The following AGAP1 variants were observed in gnomAD, a reference collection of about 807,000 sequenced individuals.
AGAP1 encodes the protein arf-GAP with GTPase, ANK repeat and PH domain-containing protein 1.
Under a neutral mutation model 105.3 loss-of-function variants are expected in AGAP1, and 29 were observed. The ratio of observed to expected loss-of-function variants is 0.28; its 90% CI spans 0.21 to 0.38. The LOEUF (loss-of-function observed/expected upper bound fraction) is 0.38, where lower values mean the gene tolerates loss of function less well. AGAP1 is among the 10% of genes least tolerant of loss of function. AGAP1 has a pLI of 1.00. For synonymous variants in AGAP1, 509 were observed against 485.9 expected (o/e 1.05, Z -0.63); for missense variants, 998 against 1,165.1 (o/e 0.86, Z 2.09).
Position 235,973,298 on chromosome 2 carries a change from T to A in AGAP1, c.1645+4675T>A, listed in dbSNP as rs754173988. On this transcript the variant is annotated intron_variant, in intron 13 of 17. Coordinates refer to ENST00000304032, the MANE Select transcript of AGAP1 (RefSeq NM_001037131.3). This position sits in a 1 kb window ranked among gnomAD's most constrained non-coding sequence, Gnocchi z 4.7. Reference sequence around the variant, plus strand: ...CATTTATTTTCTTAGGTTTACCATTTAAAATGAATCGGAGGAATCTGGAAA... The same window carrying A: ...CATTTATTTTCTTAGGTTTACCATTAAAAATGAATCGGAGGAATCTGGAAA... 6.6e-6 allele frequency among the ~76,000 whole-genome samples: 1 copy of A among 152,206 alleles called. No individual in the cohort carries two copies. The highest frequency in any genetic ancestry group is 6.5e-5 in the Admixed American group (1 of 15,286).
chr2:235,686,016 A>G (rs1284288253), intron 1 of AGAP1, among the ~76,000 whole-genome samples: 1 of 152,168 alleles, frequency 6.6e-6, no homozygotes, highest in Admixed American at 6.5e-5. Flanking sequence ...TCAGATATGC[A>G]CTTAGTGAGC....
chr2:235,967,992 T>C lies in AGAP1; in HGVS notation c.1484-470T>C, dbSNP rs569766458. On this transcript the variant is annotated intron_variant, in intron 12 of 17. Transcript: ENST00000304032. The surrounding 1 kb of genome is among the most constrained non-coding windows in gnomAD (Gnocchi z 4.7). The stretch of plus-strand genomic sequence containing the variant: ...GATGAAGTTATAGTCATCTGTAATA[T>C]TGAGGCCGGAAGAAAGGATCAGGAA... 2.0e-4 allele frequency among the ~76,000 whole-genome samples: 30 copies of C among 152,312 alleles called. No homozygotes were observed. Among genetic ancestry groups the C allele is most frequent in the African/African-American group, 7.2e-4 (30 of 41,576 alleles).
intron 12 of AGAP1, among the ~76,000 whole-genome samples, chr2:235,952,019 G>A (rs1167028256): frequency 2.6e-5 from 4 of 152,140 alleles, no homozygotes; most frequent in Non-Finnish European, 4.4e-5. Flanking sequence ...GTTTAATAGT[G>A]TAGTCAAAAA....
chr2:235,841,781 T>C (rs1323179021), intron 9 of AGAP1, among the ~76,000 whole-genome samples: 3 of 152,306 alleles, frequency 2.0e-5, no homozygotes, highest in Middle Eastern at 3.4e-3. Flanking sequence ...TCCAGACAGC[T>C]CTGAGTTTCT....
rs1008744131 is a variant in AGAP1 at position 236,119,221 on chromosome 2, C to G, written c.2115-971C>G. 1.3e-5 allele frequency among the ~76,000 whole-genome samples: 2 copies of G among 152,090 alleles called. No individual in the cohort carries two copies. The highest frequency in any genetic ancestry group is 2.9e-5 in the Non-Finnish European group (2 of 68,014). On this transcript the variant is annotated intron_variant, in intron 16 of 17. Transcript: ENST00000304032. The surrounding 1 kb of genome is among the most constrained non-coding windows in gnomAD (Gnocchi z 6.6). ...CTCCACACCTCCGACCCCATCCACCCCCTCCCCAGCTTTGTCCTCTCCTCT... is the reference window on the plus strand; with the variant it reads ...CTCCACACCTCCGACCCCATCCACCGCCTCCCCAGCTTTGTCCTCTCCTCT...
rs1216753025 is a variant in AGAP1 at position 235,930,802 on chromosome 2, C to T, written c.1362C>T (p.Ser454=). ...GTGCATCTGGGTCTCAGATGGCAAGCGGCATCAGCCTGGTCTCCTTCAACA... is the reference window on the plus strand; with the variant it reads ...GTGCATCTGGGTCTCAGATGGCAAGTGGCATCAGCCTGGTCTCCTTCAACA... ...VTSASGSQMA[S]GISLVSFNSR... is the part of the protein sequence containing the mutation. Residue 454 remains serine (S), a synonymous_variant, in exon 12 of 18, where the codon AGC becomes AGT. Transcript: ENST00000304032. This position sits in a 1 kb window ranked among gnomAD's most constrained non-coding sequence, Gnocchi z 7.9. The T allele has an allele frequency of 3.1e-6, 5 of 1,613,934 alleles. No individual in the cohort carries two copies. Among genetic ancestry groups the T allele is most frequent in the East Asian group, 2.2e-5 (1 of 44,852 alleles).
intron 6 of AGAP1, among the ~76,000 whole-genome samples, chr2:235,766,792 A>G (rs1303745237): frequency 6.6e-6 from 1 of 152,072 alleles, no homozygotes; most frequent in African/African-American, 2.4e-5. Context: ...CCCAGGCTAG[A>G]GTGCAGTGGT....
rs574117511 is a variant in AGAP1, at chr2:235,992,510, C to G, written c.1645+23887C>G. Among the ~76,000 whole-genome samples, 63 of 152,290 alleles carry G rather than the reference C, an allele frequency of 4.1e-4. No homozygotes were observed. The highest frequency in any genetic ancestry group is 1.4e-3 in the African/African-American group (60 of 41,556). Reference sequence around the variant, plus strand: ...AGTTCTTATAGACTACAGTATTACTCGTGGGAGCCAAATTATGTGCAGTGT... The same window carrying G: ...AGTTCTTATAGACTACAGTATTACTGGTGGGAGCCAAATTATGTGCAGTGT... On this transcript the variant is annotated intron_variant, in intron 13 of 17. Transcript: ENST00000304032. The surrounding 1 kb of genome is among the most constrained non-coding windows in gnomAD (Gnocchi z 4.8).
At chr2:236,054,061 G>A (rs935055733) in intron 16 of AGAP1, among the ~76,000 whole-genome samples, 2 of 152,144 alleles carry the variant, frequency 1.3e-5, no homozygotes, top group Non-Finnish European at 2.9e-5. Flanking sequence ...GGAGAGACTG[G>A]CCGTACACTT....
chr2:235,673,700 C>T lies in AGAP1; in HGVS notation c.164-35479C>T, dbSNP rs150214072. On this transcript the variant is annotated intron_variant, in intron 1 of 17. Transcript: ENST00000304032. ...CAGCTAAACTATCGTAGACCTGCAA[C>T]GTGATAAGCATCATGAGAAGCACCA... is the stretch of plus-strand genomic sequence containing the variant. Among the ~76,000 whole-genome samples, 625 of 152,230 alleles carry T rather than the reference C, an allele frequency of 4.1e-3. 4 individuals carry two copies. Among genetic ancestry groups the T allele is most frequent in the Non-Finnish European group, 5.9e-3 (399 of 68,030 alleles).
At chr2:236,074,986 G>A (rs560167245) in intron 16 of AGAP1, among the ~76,000 whole-genome samples, 1 of 152,184 alleles carries the variant, frequency 6.6e-6, no homozygotes, top group South Asian at 2.1e-4. Context: ...CCGAGAGGTG[G>A]AGGTTGCAGT....
intron 9 of AGAP1, among the ~76,000 whole-genome samples, chr2:235,870,809 C>T (rs954872037): frequency 3.9e-5 from 6 of 152,220 alleles, no homozygotes; most frequent in Admixed American, 2.0e-4. Flanking sequence ...CCCATAAGAA[C>T]TGACCCATGT....
intron 1 of AGAP1, among the ~76,000 whole-genome samples, chr2:235,504,278 G>A (rs1032313264): frequency 2.6e-5 from 4 of 152,314 alleles, no homozygotes; most frequent in South Asian, 2.1e-4. Flanking sequence ...CGTGAGGGTC[G>A]TTAGAAATTG....
rs913802256 is a variant in AGAP1, at chr2:235,797,990, T to C, written c.801+104T>C. 9 of 1,384,836 alleles carry C rather than the reference T, an allele frequency of 6.5e-6. No individual in the cohort carries two copies. In the African/African-American group the frequency reaches 1.2e-4, roughly 18 times the overall value. 85.8% of individuals were successfully genotyped at this position (1,384,836 alleles called of 1,614,324 possible). ...TTGATTTTTTTTTTCTTTTCAACTT[T>C]ATAAGTAACAGCATGTTGTAATTGA... On this transcript the variant is annotated intron_variant, in intron 7 of 17. Transcript: ENST00000304032.
chr2:236,021,971 A>G (rs912091653), intron 13 of AGAP1, among the ~76,000 whole-genome samples: 3 of 149,626 alleles, frequency 2.0e-5, no homozygotes, highest in African/African-American at 4.9e-5. Context: ...AGGTGGGAGA[A>G]GCGCTTGAGC....
rs1206022658 is a variant in AGAP1 at position 235,517,334 on chromosome 2, C to T, written c.163+22485C>T. Among the ~76,000 whole-genome samples, 3 of 152,160 alleles carry T rather than the reference C, an allele frequency of 2.0e-5. No individual in the cohort carries two copies. Among genetic ancestry groups the T allele is most frequent in the South Asian group, 2.1e-4 (1 of 4,816 alleles). On this transcript the variant is annotated intron_variant, in intron 1 of 17. Coordinates refer to ENST00000304032, the MANE Select transcript of AGAP1 (RefSeq NM_001037131.3). The surrounding 1 kb of genome is among the most constrained non-coding windows in gnomAD (Gnocchi z 4.1). Reference sequence around the variant, plus strand: ...CTGCAGAGGAATTTGGGGGATACTGCGCAGTCCGTACAGCATCCCTCCCTC... The same window carrying T: ...CTGCAGAGGAATTTGGGGGATACTGTGCAGTCCGTACAGCATCCCTCCCTC...
In AGAP1 at chr2:235,893,079, T is replaced by C. The variant is rs2050619507; in HGVS notation, c.1155+9630T>C. Among the ~76,000 whole-genome samples the C allele has an allele frequency of 6.6e-6, 1 of 152,226 alleles. No homozygotes were observed. Among genetic ancestry groups the C allele is most frequent in the South Asian group, 2.1e-4 (1 of 4,838 alleles). ...CTTGGAGCTGTCCTTTGGCCTTTCATGTGCTGTGTCTGTGGTGCGGGTGTG... is the reference window on the plus strand; with the variant it reads ...CTTGGAGCTGTCCTTTGGCCTTTCACGTGCTGTGTCTGTGGTGCGGGTGTG... On this transcript the variant is annotated intron_variant, in intron 10 of 17. Transcript: ENST00000304032. This position sits in a 1 kb window ranked among gnomAD's most constrained non-coding sequence, Gnocchi z 4.7.
At chr2:235,643,830 C>T (rs922120525) in intron 1 of AGAP1, among the ~76,000 whole-genome samples, 7 of 152,156 alleles carry the variant, frequency 4.6e-5, no homozygotes, top group African/African-American at 1.7e-4. Context: ...ACCTACTTAT[C>T]TTTCCCATTA....
chr2:235,683,178 A>G (rs1455775887), intron 1 of AGAP1, among the ~76,000 whole-genome samples: 43 of 151,632 alleles, frequency 2.8e-4, no homozygotes, highest in Admixed American at 2.8e-3. Context: ...ATGGTGGCAC[A>G]CACTTGTAAT....
Sources: allele counts gnomAD v4.1 joint callset (sites outside exome capture counted in the v4.1 genomes callset), GRCh38; gene constraint gnomAD v4.1.1; non-coding constraint Gnocchi (gnomAD v3.1); transcripts MANE v1.5; gene names NCBI Gene and HGNC (gene_info 2026-07-23, HGNC 2026-07-21).